Variants in CLEC7A observed in about 807,000 individuals in gnomAD.
The protein encoded by CLEC7A is C-type lectin domain family 7 member A.
CLEC7A carries 25 observed loss-of-function variants against 26.9 expected under a neutral mutation model. That is an observed-to-expected ratio of 0.93 (90% CI 0.68 to 1.30). CLEC7A has a LOEUF of 1.30. CLEC7A is among the 50% of genes most tolerant of loss of function. CLEC7A has a pLI of 0.00. For synonymous variants in CLEC7A, 100 were observed against 99.5 expected (o/e 1.01, Z -0.03); for missense variants, 275 against 286.7 (o/e 0.96, Z 0.29).
intron 4 of CLEC7A, 26 bp from the exon 5 acceptor site, chr12:10,123,389 TAATA>T (rs1565621937): frequency 8.2e-7 from 1 of 1,218,230 alleles, no homozygotes; most frequent in Non-Finnish European, 1.2e-6. Flanking sequence ...TACAAATATA[TAATA>T]AAGAGAGAGA....
At chr12:10,128,457 T>G (rs1948381201) in intron 1 of CLEC7A, among the ~76,000 whole-genome samples, 1 of 152,124 alleles carries the variant, frequency 6.6e-6, no homozygotes, top group Non-Finnish European at 1.5e-5. Context: ...GGTCTTGACA[T>G]TAGTAGGATC....
intron 3 of CLEC7A, chr12:10,126,281 A>G (rs1264179700): frequency 1.0e-6 from 1 of 982,510 alleles, no homozygotes; most frequent in Non-Finnish European, 1.2e-6. Context: ...ATCAAATTAT[A>G]TGATCTCCTG....
rs11053594 is a variant in CLEC7A at position 10,118,222 on chromosome 12, G to A, written c.*236C>T. 52,484 of 466,366 alleles carry A rather than the reference G, an allele frequency of 0.11. 4,421 individuals carry two copies. The highest frequency in any genetic ancestry group is 0.33 in the African/African-American group (16,164 of 48,830). The allele number at this position is 466,366 out of a possible 1,614,324, so 28.9% of individuals were successfully genotyped here. A position where few individuals can be genotyped will look rare whatever the true frequency, so the allele number is the denominator to read the frequency against. ...AAAAAATAAAAACTCAAGCTTGGCT[G>A]CCCTGATTCCATGTCTAGGGATCTA... On this transcript the variant is annotated 3_prime_UTR_variant, in exon 6 of 6. Transcript: ENST00000304084.
chr12:10,124,554 A>C (rs143560080), intron 4 of CLEC7A, among the ~76,000 whole-genome samples: 28 of 152,214 alleles, frequency 1.8e-4, no homozygotes, highest in African/African-American at 6.7e-4. Flanking sequence ...TTAAAAGATT[A>C]TATGTGTCCT....
At chr12:10,124,925 A>G (rs6488263) in intron 4 of CLEC7A, 150,618 of 191,986 alleles carry the variant, frequency 0.78, 60,993 homozygotes, top group Middle Eastern at 0.88. Flanking sequence ...TTGGCCAAGT[A>G]TGGTGGCTTA....
chr12:10,126,629 T>C lies in CLEC7A; in HGVS notation c.282A>G (p.Gln94=), dbSNP rs1394360251. The C allele has an allele frequency of 1.2e-6, 2 of 1,612,976 alleles. No individual in the cohort carries two copies. Among genetic ancestry groups the C allele is most frequent in the Non-Finnish European group, 1.7e-6 (2 of 1,179,618 alleles). The change falls in exon 3 of 6, where the codon CAA becomes CAG. Residue 94 remains glutamine (Q), a synonymous_variant. Coordinates refer to ENST00000304084, the MANE Select transcript of CLEC7A (RefSeq NM_197947.3). ...TGTCTTCTAAAGATGATTGTGTGGG[T>C]TGACTGTGGTTCTCTTTATTTCTTG... ...FLSRNKENHS[Q]PTQSSLEDSV...
At chr12:10,127,725 A>T (rs1178542493) in intron 2 of CLEC7A, 22 bp downstream of exon 2, 3 of 1,484,238 alleles carry the variant, frequency 2.0e-6, no homozygotes, top group Non-Finnish European at 2.8e-6. Context: ...TCTGTTGTTA[A>T]TCTCCTCCAC....
Position 10,129,975 on chromosome 12 carries a change from T to C in CLEC7A, c.103+5A>G, listed in dbSNP as rs772623177. On this transcript the variant is annotated splice_donor_5th_base_variant and intron_variant, in intron 1 of 5. Transcript: ENST00000304084. ...AGGCACACATTAGAAAAAACATATA[T>C]ATACCTTTCTCTGAAACAACAGCTA... The C allele has an allele frequency of 6.5e-7, 1 of 1,542,614 alleles. No homozygotes were observed. Among genetic ancestry groups the C allele is most frequent in the East Asian group, 2.2e-5 (1 of 44,554 alleles).
chr12:10,124,894 T>G, intron 4 of CLEC7A: 1 of 193,098 alleles, frequency 5.2e-6, no homozygotes, highest in Non-Finnish European at 1.1e-5. Flanking sequence ...ATTATAATTA[T>G]AGAGATATTA....
Position 10,126,991 on chromosome 12 carries a change from A to T in CLEC7A, c.203-283T>A, listed in dbSNP as rs541485962. 13 of 1,340,590 alleles carry T rather than the reference A, an allele frequency of 9.7e-6. No individual in the cohort carries two copies. In the African/African-American group the frequency reaches 1.0e-4, roughly 11 times the overall value. The allele number at this position is 1,340,590 out of a possible 1,614,324, so 83.0% of individuals were successfully genotyped here. On this transcript the variant is annotated intron_variant, in intron 2 of 5. Transcript: ENST00000304084. ...AGGGAGGCAGCAAGAGGCAAATGTC[A>T]TAGAGTCAATTGGACCCATGACAGA...
At chr12:10,124,931 G>T (rs1407187290) in intron 4 of CLEC7A, 8 of 207,262 alleles carry the variant, frequency 3.9e-5, no homozygotes. Flanking sequence ...AAGTATGGTG[G>T]CTTACACCTG....
chr12:10,129,806 C>CA (rs1275893570), intron 1 of CLEC7A, among the ~76,000 whole-genome samples, 174 bp downstream of exon 1: 2 of 151,960 alleles, frequency 1.3e-5, no homozygotes. Context: ...TTAGTAGAGA[C>CA]AGAGTTTCAC....
intron 3 of CLEC7A, 124 bp from the exon 4 acceptor site, chr12:10,125,572 G>C (rs1948254062): frequency 4.3e-6 from 3 of 695,532 alleles, no homozygotes; most frequent in Non-Finnish European, 6.6e-6. Flanking sequence ...ATATTTCATT[G>C]TCAATTCGAA....
Position 10,126,130 on chromosome 12 carries a change from C to T in CLEC7A, c.340+441G>A, listed in dbSNP as rs914923440. On this transcript the variant is annotated intron_variant, in intron 3 of 5. Coordinates refer to ENST00000304084, the MANE Select transcript of CLEC7A (RefSeq NM_197947.3). ...CCTCTTTTGTATATTTTTAATATAG[C>T]TTCCTTATTCTTGGCAACATTTTCC... 5.2e-6 allele frequency: 5 copies of T among 962,194 alleles called. No homozygotes were observed. The African/African-American group carries it at 8.8e-5, about 17-fold the overall frequency. 59.6% of individuals were successfully genotyped at this position (962,194 alleles called of 1,614,324 possible).
rs372400404 is a variant in CLEC7A at position 10,123,767 on chromosome 12, CA to C, written c.493-405del. Reference sequence around the variant, plus strand: ...TGGGCGACAGAGCGAGACTCCGTCTCAAAAAAAAAAAAAAGAATGCATGCCT... The same window carrying C: ...TGGGCGACAGAGCGAGACTCCGTCTCAAAAAAAAAAAAAGAATGCATGCCT... On this transcript the variant is annotated intron_variant, in intron 4 of 5. Coordinates refer to ENST00000304084, the MANE Select transcript of CLEC7A (RefSeq NM_197947.3). Among the ~76,000 whole-genome samples, 101 of 124,598 alleles carry C rather than the reference CA, an allele frequency of 8.1e-4. 3 individuals are homozygous for C. The highest frequency in any genetic ancestry group is 4.3e-3 in the East Asian group (18 of 4,158). The allele number at this position is 124,598 out of a possible 152,430, so 81.7% of individuals were successfully genotyped here.
chr12:10,124,621 T>C (rs1251154278), intron 4 of CLEC7A: 1 of 152,148 alleles, frequency 6.6e-6, no homozygotes, highest in Non-Finnish European at 1.5e-5. Flanking sequence ...TTGCAAAGAG[T>C]AAATAATTTC....
At chr12:10,126,499 C>T in intron 3 of CLEC7A, 72 bp downstream of exon 3, 22 of 1,496,680 alleles carry the variant, frequency 1.5e-5, no homozygotes, top group East Asian at 9.7e-5. Context: ...TTCTTTACAC[C>T]CCTGCCCCAG....
rs1172583924 is a variant in CLEC7A at position 10,118,441 on chromosome 12, C to T, written c.*17G>A. The T allele has an allele frequency of 1.3e-6, 2 of 1,599,614 alleles. No homozygotes were observed. The highest frequency in any genetic ancestry group is 1.7e-4 in the Middle Eastern group (1 of 6,032). On this transcript the variant is annotated 3_prime_UTR_variant, in exon 6 of 6. Transcript: ENST00000304084. ...TTACTACCTCACATATTTCTCTCTC[C>T]TTCTCCACCCTTCCTCTTACATTGA...
chr12:10,128,636 G>T (rs926154094), intron 1 of CLEC7A, among the ~76,000 whole-genome samples: 1 of 152,014 alleles, frequency 6.6e-6, no homozygotes, highest in Admixed American at 6.5e-5. Context: ...ATATCTCAAA[G>T]GATTATTGCG....
Sources: gnomAD v4.1 joint callset for allele counts (sites outside exome capture counted in the v4.1 genomes callset) on GRCh38, gnomAD v4.1.1 for gene constraint, MANE v1.5 for transcripts, NCBI Gene and HGNC (gene_info 2026-07-23, HGNC 2026-07-21) for gene names.